Variants in WWOX observed in about 807,000 individuals in gnomAD.
WWOX encodes the protein WW domain-containing oxidoreductase.
In WWOX, 69 loss-of-function variants were observed where a neutral mutation model predicts 46.2. That is an observed-to-expected ratio of 1.49 (90% CI 1.23 to 1.82). WWOX has a LOEUF of 1.82. WWOX is among the 40% of genes most tolerant of loss of function. The pLI is 0.00. For missense variants in WWOX, 919 were observed against 542.6 expected (o/e 1.69, Z -6.89); for synonymous variants, 359 against 202.6 (o/e 1.77, Z -6.56).
chr16:78,298,546 G>A (rs1455225990), intron 5 of WWOX, among the ~76,000 whole-genome samples: 1 of 152,056 alleles, frequency 6.6e-6, no homozygotes, highest in Non-Finnish European at 1.5e-5. Context: ...AATCCCCGCA[G>A]TTTGGGAGGC....
At chr16:79,164,519 C>T (rs1006661351) in intron 8 of WWOX, among the ~76,000 whole-genome samples, 5 of 152,100 alleles carry the variant, frequency 3.3e-5, no homozygotes, top group Admixed American at 1.3e-4. Context: ...CAGGCATCAG[C>T]GCTGTTATCA....
At chr16:79,196,800 A>G (rs1055276114) in intron 8 of WWOX, among the ~76,000 whole-genome samples, 4 of 152,158 alleles carry the variant, frequency 2.6e-5, no homozygotes, top group South Asian at 2.1e-4. Context: ...TTTCAAGGAT[A>G]CAGAGCTCAA....
At chr16:79,137,901 C>G (rs553138947) in intron 8 of WWOX, among the ~76,000 whole-genome samples, 91 of 151,802 alleles carry the variant, frequency 6.0e-4, no homozygotes, top group Non-Finnish European at 1.2e-3. Flanking sequence ...GTGGGGGACT[C>G]CAGAAGTACA....
rs1349719636 is a variant in WWOX at position 78,260,169 on chromosome 16, C to T, written c.516+95880C>T. 1.3e-5 allele frequency among the ~76,000 whole-genome samples: 2 copies of T among 151,350 alleles called. 1 individual carries two copies. The highest frequency in any genetic ancestry group is 2.9e-5 in the Non-Finnish European group (2 of 67,858). On this transcript the variant is annotated intron_variant, in intron 5 of 8. Coordinates refer to ENST00000566780, the MANE Select transcript of WWOX (RefSeq NM_016373.4). ...GCTGTGCTGCAGCCTCCACAGGTGA[C>T]ACCTCCTGGTGTGGGAGGGACCCAG... is the stretch of plus-strand genomic sequence containing the variant.
intron 8 of WWOX, among the ~76,000 whole-genome samples, chr16:78,840,237 C>G (rs2052101519): frequency 6.6e-6 from 1 of 152,182 alleles, no homozygotes; most frequent in Non-Finnish European, 1.5e-5. Flanking sequence ...TAACTGTGCA[C>G]ATTCTTGACT....
intron 8 of WWOX, among the ~76,000 whole-genome samples, chr16:78,805,862 A>G (rs375539730): frequency 6.6e-6 from 1 of 152,246 alleles, no homozygotes; most frequent in Non-Finnish European, 1.5e-5. Context: ...AGAAAGATTA[A>G]GAGTTTTTTT....
chr16:78,150,856 A>G (rs780100556), intron 4 of WWOX, among the ~76,000 whole-genome samples: 9 of 151,954 alleles, frequency 5.9e-5, no homozygotes, highest in Non-Finnish European at 1.3e-4. Flanking sequence ...CCCCTCACCC[A>G]CATTGCTCAG....
intron 5 of WWOX, among the ~76,000 whole-genome samples, chr16:78,383,428 A>G (rs1277731742): frequency 6.6e-6 from 1 of 152,194 alleles, no homozygotes; most frequent in African/African-American, 2.4e-5. Flanking sequence ...GAGCTAAACC[A>G]ATAAAGTGAA....
At chr16:79,138,592 G>A (rs951972516) in intron 8 of WWOX, among the ~76,000 whole-genome samples, 4 of 152,130 alleles carry the variant, frequency 2.6e-5, no homozygotes, top group Admixed American at 1.3e-4. Flanking sequence ...AGGGTGCTCT[G>A]GGCAAGTAAG....
At position 78,440,937 on chromosome 16, in the gene WWOX, TTTTTC is replaced by T. The variant is rs201632110; in HGVS notation, c.1056+8200_1056+8204del. 9.9e-5 allele frequency among the ~76,000 whole-genome samples: 15 copies of T among 152,038 alleles called. No individual in the cohort carries two copies. The East Asian group carries it at 1.2e-3, about 12-fold the overall frequency. ...TGCCTGGCCTGTAGTTTCTTTTTCTTTTTTCTTTTCTTTTCTTTTTTTTGAGATGA... is the reference window on the plus strand; with the variant it reads ...TGCCTGGCCTGTAGTTTCTTTTTCTTTTTTCTTTTCTTTTTTTTGAGATGA... On this transcript the variant is annotated intron_variant, in intron 8 of 8. Coordinates refer to ENST00000566780, the MANE Select transcript of WWOX (RefSeq NM_016373.4).
chr16:78,919,979 G>C (rs915035669), intron 8 of WWOX, among the ~76,000 whole-genome samples: 1 of 152,150 alleles, frequency 6.6e-6, no homozygotes, highest in Non-Finnish European at 1.5e-5. Context: ...TTTACGGTTT[G>C]CCTCCTTCTC....
intron 8 of WWOX, among the ~76,000 whole-genome samples, chr16:78,571,544 A>T (rs1597285619): frequency 1.3e-5 from 2 of 152,192 alleles, no homozygotes; most frequent in East Asian, 3.8e-4. Context: ...ATACCATATT[A>T]TCGAAAGGAT....
intron 8 of WWOX, among the ~76,000 whole-genome samples, chr16:79,071,540 G>C (rs2150566456): frequency 6.6e-6 from 1 of 152,306 alleles, no homozygotes; most frequent in African/African-American, 2.4e-5. Flanking sequence ...GTCTAGGAGA[G>C]CTGTTTCAGG....
chr16:78,930,253 T>TCCTTCCTTCCTTCTGA (rs2045592231), intron 8 of WWOX, among the ~76,000 whole-genome samples: 1 of 126,330 alleles, frequency 7.9e-6, no homozygotes, highest in Admixed American at 7.4e-5. Flanking sequence ...CTTCCTTCCT[T>TCCTTCCTTCCTTCTGA]CCTTCCTTCC....
intron 8 of WWOX, among the ~76,000 whole-genome samples, chr16:78,439,336 A>G (rs1005066022): frequency 4.6e-5 from 7 of 152,130 alleles, no homozygotes; most frequent in Non-Finnish European, 8.8e-5. Flanking sequence ...CTGTGGTTGG[A>G]CCACACTGGC....
chr16:78,204,062 G>A (rs1297535110), intron 5 of WWOX, among the ~76,000 whole-genome samples: 1 of 152,196 alleles, frequency 6.6e-6, no homozygotes, highest in African/African-American at 2.4e-5. Context: ...GACAGGAATG[G>A]TGAGAAGGTG....
intron 5 of WWOX, among the ~76,000 whole-genome samples, chr16:78,382,740 T>C (rs1260616846): frequency 1.3e-5 from 2 of 152,124 alleles, no homozygotes; most frequent in Non-Finnish European, 2.9e-5. Context: ...CAGTTCTATG[T>C]CTTGAATGTG....
chr16:78,840,429 C>A (rs929758150), intron 8 of WWOX, among the ~76,000 whole-genome samples: 1 of 152,192 alleles, frequency 6.6e-6, no homozygotes, highest in African/African-American at 2.4e-5. Context: ...AGTCCTCTTG[C>A]CTCTGCAGCA....
chr16:78,301,078 T>C (rs2080032714), intron 5 of WWOX, among the ~76,000 whole-genome samples: 1 of 152,142 alleles, frequency 6.6e-6, no homozygotes, highest in Non-Finnish European at 1.5e-5. Context: ...ATCAACAAAC[T>C]TTACCCTTAA....
Sources: allele counts gnomAD v4.1 joint callset (sites outside exome capture counted in the v4.1 genomes callset), GRCh38; gene constraint gnomAD v4.1.1; transcripts MANE v1.5; gene names NCBI Gene and HGNC (gene_info 2026-07-23, HGNC 2026-07-21).